Variants in ABCG1 observed in about 807,000 individuals in gnomAD.
ABCG1 encodes ATP binding cassette subfamily G member 1.
In ABCG1, 29 loss-of-function variants were observed where a neutral mutation model predicts 69.2. That is an observed-to-expected ratio of 0.42 (90% CI 0.31 to 0.57). The LOEUF is 0.57. Ranked by LOEUF, ABCG1 falls within the 20% of genes least tolerant of loss-of-function variation. ABCG1 has a pLI of 0.15. For missense variants in ABCG1, 718 were observed against 898.1 expected (o/e 0.80, Z 2.56); for synonymous variants, 370 against 374.8 (o/e 0.99, Z 0.15).
At position 42,272,446 on chromosome 21, in the gene ABCG1, G is replaced by A. The variant is rs560982601; in HGVS notation, c.405-857G>A. Among the ~76,000 whole-genome samples, 5 of 152,368 alleles carry A rather than the reference G, an allele frequency of 3.3e-5. No individual in the cohort carries two copies. The East Asian group carries it at 5.8e-4, about 18-fold the overall frequency. On this transcript the variant is annotated intron_variant, in intron 3 of 14. Transcript: ENST00000398449. ...CCTGGAGGAGAGAAGAGACCCGGCC[G>A]CAGGCCCACAGTCATAGTAACAAGC...
chr21:42,256,831 T>A (rs1569222144), intron 2 of ABCG1, among the ~76,000 whole-genome samples: 2 of 152,216 alleles, frequency 1.3e-5, no homozygotes, highest in Admixed American at 1.3e-4. Flanking sequence ...CTCCCCAGGC[T>A]CCAGGACCCA....
intron 2 of ABCG1, among the ~76,000 whole-genome samples, chr21:42,234,630 C>T (rs1347918331): frequency 6.6e-6 from 1 of 152,204 alleles, no homozygotes; most frequent in East Asian, 1.9e-4. Flanking sequence ...CCCGGAAGGC[C>T]GGGCTCTGCC....
At chr21:42,202,694 C>A (rs779950738) in intron 2 of ABCG1, among the ~76,000 whole-genome samples, 6 of 152,080 alleles carry the variant, frequency 3.9e-5, no homozygotes, top group Admixed American at 1.3e-4. Context: ...TCACTGCAAC[C>A]TCTGCCTCCC....
intron 2 of ABCG1, among the ~76,000 whole-genome samples, chr21:42,268,395 G>GCA (rs2068556128): frequency 6.6e-6 from 1 of 151,948 alleles, no homozygotes; most frequent in Non-Finnish European, 1.5e-5. Context: ...GTGTGCGCGC[G>GCA]CGCGCTGGAT....
chr21:42,243,244 G>A (rs145181177), intron 2 of ABCG1, among the ~76,000 whole-genome samples: 140 of 152,220 alleles, frequency 9.2e-4, no homozygotes, highest in African/African-American at 3.3e-3. Flanking sequence ...TGGGGAGCCC[G>A]TCGGCCCCTC....
chr21:42,282,074 G>A (rs568031465), intron 5 of ABCG1, among the ~76,000 whole-genome samples, 200 bp from the exon 6 acceptor site: 16 of 152,344 alleles, frequency 1.1e-4, no homozygotes, highest in African/African-American at 3.6e-4. Flanking sequence ...TCCCTCATCA[G>A]GACGGCTGAT....
At chr21:42,216,965 C>A (rs1156993759), upstream of ABCG1, among the ~76,000 whole-genome samples, 1 of 152,190 alleles carries the variant, frequency 6.6e-6, no homozygotes, top group Non-Finnish European at 1.5e-5. Context: ...AGGACCCTTT[C>A]ACTTATCCTG....
Position 42,285,949 on chromosome 21 carries a change from G to C in ABCG1, c.928G>C (p.Asp310His). 6.2e-7 allele frequency: 1 copy of C among 1,614,096 alleles called. No individual in the cohort carries two copies. The highest frequency in any genetic ancestry group is 8.5e-7 in the Non-Finnish European group (1 of 1,180,020). ...CTGCAATCTTGTGCCATATTTGAGG[G>C]ATTTGGGTCTGAACTGCCCAACCTA... ...KVCNLVPYLR[D>H]LGLNCPTYHN... Residue 310 changes from aspartate to histidine, a missense_variant, in exon 8 of 15, where the codon GAT (aspartate) becomes CAT (histidine). Asp to His is a moderately conservative substitution (Grantham distance 81, BLOSUM62 -1). This residue lies in a region of ABCG1 where 514 missense variants were observed against 574.3 expected (regional missense o/e 0.90). Coordinates refer to ENST00000398449, the MANE Select transcript of ABCG1 (RefSeq NM_016818.3).
intron 2 of ABCG1, among the ~76,000 whole-genome samples, chr21:42,243,347 G>A (rs2068079440): frequency 6.6e-6 from 1 of 152,138 alleles, no homozygotes; most frequent in African/African-American, 2.4e-5. Context: ...GGGCAGAAGT[G>A]CCTGGATTCA....
At chr21:42,285,844 AG>A in intron 7 of ABCG1, 35 bp from the exon 8 acceptor site, 1 of 1,468,932 alleles carries the variant, frequency 6.8e-7, no homozygotes, top group Non-Finnish European at 9.5e-7. Flanking sequence ...CGAGGAAGGC[AG>A]GGCTTGATCC....
At chr21:42,218,596 C>T (rs970582026), upstream of ABCG1, among the ~76,000 whole-genome samples, 1 of 152,338 alleles carries the variant, frequency 6.6e-6, no homozygotes, top group African/African-American at 2.4e-5. Flanking sequence ...TGAGTGCACA[C>T]GATGCCTCAC....
intron 2 of ABCG1, among the ~76,000 whole-genome samples, chr21:42,242,607 C>T (rs1403802919): frequency 6.6e-6 from 1 of 152,110 alleles, no homozygotes. Flanking sequence ...CTGAGGAGGG[C>T]GGAAGGAGCA....
chr21:42,259,795 G>A (rs551898189), intron 2 of ABCG1, among the ~76,000 whole-genome samples: 1 of 152,244 alleles, frequency 6.6e-6, no homozygotes, highest in African/African-American at 2.4e-5. Flanking sequence ...CAGAGGTGGG[G>A]TGTTTTCTCA....
At chr21:42,260,310 C>A (rs225382) in intron 2 of ABCG1, among the ~76,000 whole-genome samples, 1 of 152,156 alleles carries the variant, frequency 6.6e-6, no homozygotes, top group Admixed American at 6.5e-5. Flanking sequence ...GGGCTCCTCT[C>A]GAGGGGGCCT....
In ABCG1 at chr21:42,285,505, CA is replaced by C. The variant is rs113652821; in HGVS notation, c.859-362del. On this transcript the variant is annotated intron_variant, in intron 7 of 14. Transcript: ENST00000398449. The stretch of plus-strand genomic sequence containing the variant: ...TGGGCAACAGAGCAAGACCCTGTAT[CA>C]AAAAAAAAAAAAGATGAACAAACAA... Among the ~76,000 whole-genome samples the C allele has an allele frequency of 4.3e-3, 556 of 128,364 alleles. 1 individual carries two copies. Among genetic ancestry groups the C allele is most frequent in the Middle Eastern group, 8.3e-3 (2 of 240 alleles). 84.2% of individuals were successfully genotyped at this position (128,364 alleles called of 152,430 possible). A position where few individuals can be genotyped will look rare whatever the true frequency, so the allele number is the denominator to read the frequency against.
chr21:42,292,563 C>T (rs1484030737), intron 13 of ABCG1, among the ~76,000 whole-genome samples: 1 of 151,882 alleles, frequency 6.6e-6, no homozygotes, highest in African/African-American at 2.4e-5. Flanking sequence ...CGGTTGCACA[C>T]GGCACACATG....
intron 2 of ABCG1, chr21:42,256,064 T>C: frequency 9.5e-7 from 1 of 1,054,602 alleles, no homozygotes. Flanking sequence ...TGCCTTGACT[T>C]GGATCCAGGT....
intron 7 of ABCG1, among the ~76,000 whole-genome samples, chr21:42,285,388 C>A (rs1447638041): frequency 6.6e-6 from 1 of 151,928 alleles, no homozygotes; most frequent in Non-Finnish European, 1.5e-5. Flanking sequence ...CTCCTATAGT[C>A]CCAGCTACTG....
At chr21:42,278,121 T>C (rs979170612) in intron 5 of ABCG1, among the ~76,000 whole-genome samples, 4 of 152,254 alleles carry the variant, frequency 2.6e-5, no homozygotes, top group Non-Finnish European at 5.9e-5. Flanking sequence ...ATTCTGAGAT[T>C]GAAAAGAAAA....
Sources: gnomAD v4.1 joint callset for allele counts (sites outside exome capture counted in the v4.1 genomes callset) on GRCh38, gnomAD v4.1.1 for gene constraint, gnomAD v4.1.1 regional missense constraint, MANE v1.5 for transcripts, NCBI Gene and HGNC (gene_info 2026-07-23, HGNC 2026-07-21) for gene names.